The following TRAPPC9 variants were observed in gnomAD, a reference collection of about 807,000 sequenced individuals.
The protein encoded by TRAPPC9 is trafficking protein particle complex subunit 9, also known as IKK2 binding protein.
A neutral mutation model predicts 124.0 loss-of-function variants in TRAPPC9; 83 were observed. The ratio of observed to expected loss-of-function variants is 0.67; its 90% CI spans 0.56 to 0.80. The LOEUF is 0.80. Among genes scored for constraint, TRAPPC9 ranks in the 30% least tolerant of loss-of-function variants. The pLI is 0.00. For missense variants in TRAPPC9, 1,302 were observed against 1,508.3 expected (o/e 0.86, Z 2.27); for synonymous variants, 638 against 617.5 (o/e 1.03, Z -0.49).
At chr8:140,027,971 G>A (rs143569191) in intron 17 of TRAPPC9, among the ~76,000 whole-genome samples, 114 of 152,010 alleles carry the variant, frequency 7.5e-4, no homozygotes, top group Admixed American at 3.3e-3. Context: ...GGGATTATGG[G>A]GATTACAATT....
intron 17 of TRAPPC9, among the ~76,000 whole-genome samples, chr8:140,163,424 G>A (rs1420578022): frequency 6.6e-6 from 1 of 152,228 alleles, no homozygotes; most frequent in African/African-American, 2.4e-5. Flanking sequence ...CAGAGATTCT[G>A]TGTCCAGTTT....
Position 140,113,396 on chromosome 8 carries a change from A to T in TRAPPC9, c.2557-89317T>A, listed in dbSNP as rs1440263603. On this transcript the variant is annotated intron_variant, in intron 17 of 22. Coordinates refer to ENST00000438773, the MANE Select transcript of TRAPPC9 (RefSeq NM_001160372.4). Reference sequence around the variant, plus strand: ...GCAGCACACAGAAGGTGGGCCTTTGAGAATGAAATGACACAGATGTTTGCC... The same window carrying T: ...GCAGCACACAGAAGGTGGGCCTTTGTGAATGAAATGACACAGATGTTTGCC... Among the ~76,000 whole-genome samples, 5 of 152,358 alleles carry T rather than the reference A, an allele frequency of 3.3e-5. No homozygotes were observed. The East Asian group carries it at 9.6e-4, about 29-fold the overall frequency.
At chr8:139,943,663 C>A (rs1341768476) in intron 19 of TRAPPC9, among the ~76,000 whole-genome samples, 1 of 152,084 alleles carries the variant, frequency 6.6e-6, no homozygotes, top group Non-Finnish European at 1.5e-5. Flanking sequence ...ATTGAAAATA[C>A]TGTGGCAATT....
intron 16 of TRAPPC9, among the ~76,000 whole-genome samples, chr8:140,230,215 A>G (rs930794104): frequency 9.2e-5 from 14 of 152,246 alleles, no homozygotes; most frequent in Non-Finnish European, 1.5e-5. Context: ...GACACTGGCC[A>G]CACAGAAAAC....
chr8:140,139,272 G>A lies in TRAPPC9; in HGVS notation c.2556+82187C>T, dbSNP rs556008390. On this transcript the variant is annotated intron_variant, in intron 17 of 22. Coordinates refer to ENST00000438773, the MANE Select transcript of TRAPPC9 (RefSeq NM_001160372.4). ...TGGCACATTCCTATCCCTACTTTAC[G>A]GCCTGCTCAGATTTTGTGAAACCCT... Among the ~76,000 whole-genome samples the A allele has an allele frequency of 5.9e-5, 9 of 152,138 alleles. No individual in the cohort carries two copies. In the East Asian group the frequency reaches 1.4e-3, roughly 23 times the overall value.
intron 17 of TRAPPC9, among the ~76,000 whole-genome samples, chr8:140,033,397 C>T (rs781737752): frequency 4.6e-5 from 7 of 152,030 alleles, no homozygotes; most frequent in Non-Finnish European, 8.8e-5. Context: ...ATTGACCATA[C>T]ATTATTTTGA....
At chr8:140,352,520 C>T (rs1352317047) in intron 9 of TRAPPC9, among the ~76,000 whole-genome samples, 1 of 152,158 alleles carries the variant, frequency 6.6e-6, no homozygotes, top group Non-Finnish European at 1.5e-5. Flanking sequence ...CTTTCAAGGG[C>T]GAGGTGGAGA....
intron 19 of TRAPPC9, chr8:139,931,486 G>A (rs2131385110): frequency 6.6e-6 from 1 of 152,334 alleles, no homozygotes; most frequent in Non-Finnish European, 1.5e-5. Context: ...GTGGTGTCAA[G>A]GATTTTACAG....
At chr8:140,127,365 G>T (rs1217286321) in intron 17 of TRAPPC9, among the ~76,000 whole-genome samples, 2 of 152,162 alleles carry the variant, frequency 1.3e-5, no homozygotes, top group Non-Finnish European at 2.9e-5. Context: ...TGTTAGAGTA[G>T]GAAGAAACAG....
intron 17 of TRAPPC9, among the ~76,000 whole-genome samples, chr8:140,217,301 G>A (rs1298413962): frequency 6.6e-6 from 1 of 152,206 alleles, no homozygotes; most frequent in Non-Finnish European, 1.5e-5. Flanking sequence ...TGGCCTTGAG[G>A]AGGTCCTACT....
chr8:140,288,495 G>A lies in TRAPPC9; in HGVS notation c.1855-761C>T, dbSNP rs1588099650. ...GCAGATTCCCTGGCCTCAAGACGGT[G>A]GCCCATGATTGGAAGCAGTACAGGT... On this transcript the variant is annotated intron_variant, in intron 12 of 22. Transcript: ENST00000438773. 2.0e-5 allele frequency among the ~76,000 whole-genome samples: 3 copies of A among 152,178 alleles called. No homozygotes were observed. In the East Asian group the frequency reaches 5.8e-4, roughly 29 times the overall value.
chr8:140,393,935 A>G (rs1237699991), intron 7 of TRAPPC9, among the ~76,000 whole-genome samples: 3 of 152,074 alleles, frequency 2.0e-5, no homozygotes, highest in Non-Finnish European at 4.4e-5. Flanking sequence ...TCACAGGGCC[A>G]CGGAACCACA....
chr8:139,900,470 T>G (rs140749325), intron 20 of TRAPPC9, among the ~76,000 whole-genome samples: 95 of 152,370 alleles, frequency 6.2e-4, no homozygotes, highest in Non-Finnish European at 1.3e-3. Flanking sequence ...GGGGCCTCCC[T>G]ATGTTAAAGA....
intron 17 of TRAPPC9, among the ~76,000 whole-genome samples, chr8:140,108,204 T>C (rs1264468548): frequency 6.6e-6 from 1 of 152,144 alleles, no homozygotes; most frequent in Non-Finnish European, 1.5e-5. Context: ...AATAGCCAAC[T>C]ACATAATTAT....
At chr8:139,968,103 C>T (rs1186335171) in intron 19 of TRAPPC9, among the ~76,000 whole-genome samples, 2 of 151,400 alleles carry the variant, frequency 1.3e-5, no homozygotes, top group East Asian at 1.9e-4. Flanking sequence ...GAGCCAAGAT[C>T]GCACCACTGT....
At chr8:140,376,692 A>G (rs1056592491) in intron 7 of TRAPPC9, among the ~76,000 whole-genome samples, 3 of 151,860 alleles carry the variant, frequency 2.0e-5, no homozygotes, top group Non-Finnish European at 4.4e-5. Flanking sequence ...CCTGGCCAAC[A>G]TAGTGAAACC....
intron 11 of TRAPPC9, among the ~76,000 whole-genome samples, chr8:140,294,499 G>A (rs2065752170): frequency 2.6e-5 from 4 of 152,016 alleles, no homozygotes. Flanking sequence ...TAAGCCATTT[G>A]AAAAATCATT....
At chr8:139,963,447 C>T (rs539070481) in intron 19 of TRAPPC9, among the ~76,000 whole-genome samples, 2 of 152,272 alleles carry the variant, frequency 1.3e-5, no homozygotes, top group East Asian at 3.9e-4. Flanking sequence ...TCACTCATTT[C>T]ATTTCATCCT....
chr8:140,312,862 C>A (rs1365266032), intron 9 of TRAPPC9, among the ~76,000 whole-genome samples: 2 of 151,452 alleles, frequency 1.3e-5, no homozygotes, highest in African/African-American at 4.9e-5. Flanking sequence ...CAGGTTCAAG[C>A]AATCCTCCCA....
Sources: allele counts gnomAD v4.1 joint callset (sites outside exome capture counted in the v4.1 genomes callset), GRCh38; gene constraint gnomAD v4.1.1; transcripts MANE v1.5; gene names NCBI Gene and HGNC (gene_info 2026-07-23, HGNC 2026-07-21).